The following DTWD2 variants were observed in gnomAD, a reference collection of about 807,000 sequenced individuals.
DTWD2 encodes tRNA-uridine aminocarboxypropyltransferase 2.
Under a neutral mutation model 31.8 loss-of-function variants are expected in DTWD2, and 39 were observed. The ratio of observed to expected loss-of-function variants is 1.22; its 90% confidence interval spans 0.95 to 1.60. DTWD2 has a LOEUF of 1.60. Among genes scored for constraint, DTWD2 ranks in the 40% most tolerant of loss-of-function variants. DTWD2 has a pLI of 0.00. For synonymous variants in DTWD2, 180 were observed against 142.8 expected (o/e 1.26, Z -1.86); for missense variants, 515 against 381.5 (o/e 1.35, Z -2.92).
chr5:118,948,572 A>G (rs1754390914), intron 1 of DTWD2, among the ~76,000 whole-genome samples: 2 of 152,280 alleles, frequency 1.3e-5, no homozygotes, highest in African/African-American at 4.8e-5. Flanking sequence ...GGTGGATCAG[A>G]GAGACACGGT....
chr5:118,905,600 C>A (rs1195654624), intron 4 of DTWD2, among the ~76,000 whole-genome samples: 1 of 152,080 alleles, frequency 6.6e-6, no homozygotes, highest in Non-Finnish European at 1.5e-5. Flanking sequence ...TGATTCTAAC[C>A]CATATCTAAA....
intron 1 of DTWD2, among the ~76,000 whole-genome samples, chr5:118,969,962 G>C (rs1045892839): frequency 6.6e-6 from 1 of 152,136 alleles, no homozygotes; most frequent in Admixed American, 6.5e-5. Flanking sequence ...TTGATAATGA[G>C]AACAGCCAGT....
chr5:118,838,183 T>A lies in DTWD2; in HGVS notation c.*2734A>T, dbSNP rs1748252413. 1 of 152,212 alleles carries A rather than the reference T, an allele frequency of 6.6e-6. No individual in the cohort carries two copies. Among genetic ancestry groups the A allele is most frequent in the Admixed American group, 6.5e-5 (1 of 15,284 alleles). The allele number at this position is 152,212 out of a possible 1,614,324, so 9.4% of individuals were successfully genotyped here. ...TTACACTCATGTGTGCAAGAAACTC[T>A]CAATACCTCTCATTACACGCAGTGA... On this transcript the variant is annotated 3_prime_UTR_variant, in exon 6 of 6. Transcript: ENST00000510708.
At chr5:118,947,977 A>G (rs1315593739) in intron 1 of DTWD2, among the ~76,000 whole-genome samples, 1 of 152,246 alleles carries the variant, frequency 6.6e-6, no homozygotes, top group Non-Finnish European at 1.5e-5. Context: ...TTAATAACAA[A>G]TGTTGCATAA....
intron 4 of DTWD2, among the ~76,000 whole-genome samples, chr5:118,855,240 TA>T (rs1339174833): frequency 2.1e-5 from 3 of 141,356 alleles, no homozygotes; most frequent in African/African-American, 8.0e-5. Context: ...GAAGTTGCGG[TA>T]AAACTTTTTA....
chr5:118,988,118 A>G (rs1180769348), intron 1 of DTWD2, 176 bp downstream of exon 1: 4 of 773,082 alleles, frequency 5.2e-6, no homozygotes, highest in East Asian at 2.7e-5. Flanking sequence ...ACCTGGAAAA[A>G]GGGCTTCTTA....
intron 4 of DTWD2, among the ~76,000 whole-genome samples, chr5:118,902,049 T>C (rs1325021061): frequency 1.3e-5 from 2 of 152,234 alleles, no homozygotes; most frequent in Non-Finnish European, 2.9e-5. Context: ...AAACATATTC[T>C]AATAATGTGT....
At chr5:118,926,902 C>T (rs1024394797) in intron 4 of DTWD2, among the ~76,000 whole-genome samples, 6 of 152,138 alleles carry the variant, frequency 3.9e-5, no homozygotes, top group African/African-American at 1.2e-4. Flanking sequence ...AAATTTAGTA[C>T]TTGTTTTAGT....
At position 118,928,686 on chromosome 5, in the gene DTWD2, T is replaced by C; in HGVS notation, c.448A>G (p.Ile150Val). 6.3e-7 allele frequency: 1 copy of C among 1,587,552 alleles called. No individual in the cohort carries two copies. Among genetic ancestry groups the C allele is most frequent in the Non-Finnish European group, 8.6e-7 (1 of 1,167,554 alleles). Residue 150 changes from isoleucine to valine, a missense_variant, in exon 4 of 6, where the codon ATA becomes GTA. Coordinates refer to ENST00000510708, the MANE Select transcript of DTWD2 (RefSeq NM_173666.4). Reference sequence around the variant, plus strand: ...GCAGCTTCAGCCCCTGGATATAATATTAATGTACCAGACTTCCGGCAAACA... The same window carrying C: ...GCAGCTTCAGCCCCTGGATATAATACTAATGTACCAGACTTCCGGCAAACA... ...STVCRKSGTLILYPGAEAANL... is the reference protein window; with the variant it reads ...STVCRKSGTLVLYPGAEAANL...
intron 4 of DTWD2, among the ~76,000 whole-genome samples, chr5:118,850,312 A>C (rs1751968108): frequency 6.8e-6 from 1 of 146,622 alleles, no homozygotes; most frequent in Admixed American, 6.8e-5. Flanking sequence ...AAAAATACAA[A>C]AAAAAAAAAA....
rs1048052358 is a variant in DTWD2 at position 118,837,144 on chromosome 5, G to A, written c.*3773C>T. On this transcript the variant is annotated 3_prime_UTR_variant, in exon 6 of 6. Transcript: ENST00000510708. The stretch of plus-strand genomic sequence containing the variant: ...AAAAGGGAAGGGGAACAATGTAGGT[G>A]ATGAAAGAGGGAGAGGAAGACCCTG... Among the ~76,000 whole-genome samples, 3 of 152,178 alleles carry A rather than the reference G, an allele frequency of 2.0e-5. No individual in the cohort carries two copies. The highest frequency in any genetic ancestry group is 7.2e-5 in the African/African-American group (3 of 41,448).
intron 3 of DTWD2, among the ~76,000 whole-genome samples, chr5:118,934,200 C>G (rs1753985457): frequency 7.7e-6 from 1 of 130,262 alleles, no homozygotes; most frequent in African/African-American, 2.8e-5. Flanking sequence ...TTTGGGAGGC[C>G]AAAGCAGGTG....
intron 1 of DTWD2, among the ~76,000 whole-genome samples, chr5:118,950,149 GTAT>G (rs141527586): frequency 0.2 from 27,665 of 138,702 alleles, 5,792 homozygotes; most frequent in African/African-American, 0.54. Flanking sequence ...GACGGAGCTT[GTAT>G]TATTGAGCCG....
intron 5 of DTWD2, among the ~76,000 whole-genome samples, chr5:118,845,562 T>C (rs1213249052): frequency 1.3e-5 from 2 of 152,190 alleles, no homozygotes; most frequent in Non-Finnish European, 2.9e-5. Context: ...CCCACCATGT[T>C]ATCAGTACCT....
At chr5:118,941,433 T>G (rs1754198330) in intron 2 of DTWD2, among the ~76,000 whole-genome samples, 1 of 152,198 alleles carries the variant, frequency 6.6e-6, no homozygotes, top group Non-Finnish European at 1.5e-5. Context: ...AGTGTTTGGT[T>G]TTCTTGTCCT....
chr5:118,907,366 T>A (rs1753357186), intron 4 of DTWD2, among the ~76,000 whole-genome samples: 1 of 152,008 alleles, frequency 6.6e-6, no homozygotes, highest in Non-Finnish European at 1.5e-5. Context: ...GAGAAAGAGA[T>A]TTCTTATAAG....
chr5:118,859,414 A>G (rs12187606), intron 4 of DTWD2, among the ~76,000 whole-genome samples: 4 of 152,106 alleles, frequency 2.6e-5, no homozygotes, highest in Admixed American at 2.0e-4. Context: ...ATTATGAATT[A>G]ATGGCATATG....
chr5:118,979,885 T>A (rs1024805778), intron 1 of DTWD2, among the ~76,000 whole-genome samples: 2 of 152,236 alleles, frequency 1.3e-5, no homozygotes, highest in African/African-American at 2.4e-5. Context: ...GAAGAATAGC[T>A]AATGGATGCT....
chr5:118,870,651 G>C (rs1446317962), intron 4 of DTWD2, among the ~76,000 whole-genome samples: 1 of 152,152 alleles, frequency 6.6e-6, no homozygotes, highest in African/African-American at 2.4e-5. Flanking sequence ...CTTTGGTGGA[G>C]GGTCTTGTCT....
Sources: gnomAD v4.1 joint callset for allele counts (sites outside exome capture counted in the v4.1 genomes callset) on GRCh38, gnomAD v4.1.1 for gene constraint, MANE v1.5 for transcripts, NCBI Gene and HGNC (gene_info 2026-07-23, HGNC 2026-07-21) for gene names.